Variants in NEK2 observed in about 807,000 individuals in gnomAD.
NEK2 encodes serine/threonine-protein kinase Nek2.
NEK2 carries 28 observed loss-of-function variants against 54.1 expected under a neutral mutation model. That is an observed-to-expected ratio of 0.52 (90% CI 0.38 to 0.71). The LOEUF (loss-of-function observed/expected upper bound fraction) is 0.71, where lower values mean the gene tolerates loss of function less well. Among genes scored for constraint, NEK2 ranks in the 30% least tolerant of loss-of-function variants. The pLI is 0.00. For missense variants in NEK2, 407 were observed against 531.5 expected, an observed-to-expected ratio of 0.77 and a Z score of 2.30; for synonymous variants, 176 against 193.1, an observed-to-expected ratio of 0.91 and a Z score of 0.73.
downstream of NEK2, among the ~76,000 whole-genome samples, chr1:211,662,512 C>A (rs1356415025): frequency 1.3e-5 from 2 of 152,194 alleles, no homozygotes; most frequent in African/African-American, 4.8e-5. This position sits in a 1 kb window ranked among gnomAD's most constrained non-coding sequence, Gnocchi z 4.2. Flanking sequence ...CAGTAGCACC[C>A]TACCCCAAAT....
chr1:211,670,716 C>T (rs948083019), intron 4 of NEK2, among the ~76,000 whole-genome samples: 1 of 152,106 alleles, frequency 6.6e-6, no homozygotes, highest in Non-Finnish European at 1.5e-5. Flanking sequence ...CAAACATCAT[C>T]AAATGCCCCA....
intron 7 of NEK2, among the ~76,000 whole-genome samples, chr1:211,666,147 T>C (rs1393116493): frequency 6.6e-6 from 1 of 151,530 alleles, no homozygotes; most frequent in Non-Finnish European, 1.5e-5. Context: ...AATGGTTCAC[T>C]GGTATATACG....
At chr1:211,660,906 G>T (rs1460613808), downstream of NEK2, 3 of 736,806 alleles carry the variant, frequency 4.1e-6, no homozygotes, top group African/African-American at 3.5e-5. Flanking sequence ...GATACCAGCA[G>T]ATCTGTCCCC....
chr1:211,666,238 C>T (rs1034858590), intron 7 of NEK2, among the ~76,000 whole-genome samples: 3 of 152,048 alleles, frequency 2.0e-5, no homozygotes, highest in Non-Finnish European at 2.9e-5. Context: ...TATCTATATA[C>T]CAGACTTTAA....
chr1:211,666,487 T>G (rs1055882268), intron 7 of NEK2: 13 of 979,778 alleles, frequency 1.3e-5, no homozygotes, highest in Non-Finnish European at 1.6e-5. Context: ...ACAATAGTTT[T>G]GTAAATGCCC....
At chr1:211,666,808 A>T (rs1307157835) in intron 7 of NEK2, 3 of 855,962 alleles carry the variant, frequency 3.5e-6, no homozygotes, top group East Asian at 1.6e-4. Context: ...CAAAAAAAAT[A>T]AAAAAATAAA....
At chr1:211,667,994 C>A (rs1655232637) in intron 6 of NEK2, among the ~76,000 whole-genome samples, 1 of 151,388 alleles carries the variant, frequency 6.6e-6, no homozygotes, top group East Asian at 1.9e-4. Flanking sequence ...TGCAATGAAC[C>A]AAGATGGTGC....
At chr1:211,661,003 C>T (rs1655005712), downstream of NEK2, 4 of 740,926 alleles carry the variant, frequency 5.4e-6, no homozygotes, top group Non-Finnish European at 1.0e-5. Flanking sequence ...CATCAGGGCC[C>T]GCTGGAAACT....
chr1:211,660,812 A>G, downstream of NEK2: 3 of 703,896 alleles, frequency 4.3e-6, no homozygotes, highest in South Asian at 4.2e-5. Flanking sequence ...GGCTGCTCCC[A>G]ACAACAGAGC....
At chr1:211,667,980 A>T (rs778907813) in intron 6 of NEK2, among the ~76,000 whole-genome samples, 17 of 152,074 alleles carry the variant, frequency 1.1e-4, no homozygotes, top group Non-Finnish European at 1.9e-4. Flanking sequence ...CGGGAGGTAG[A>T]GGTTGCAATG....
At chr1:211,667,067 TG>T in intron 7 of NEK2, 38 bp downstream of exon 7, 1 of 1,612,494 alleles carries the variant, frequency 6.2e-7, no homozygotes, top group Non-Finnish European at 8.5e-7. Flanking sequence ...TTTCTTCATT[TG>T]TAGCACCAGC....
At chr1:211,664,413 G>C (rs1274623847) in intron 7 of NEK2, among the ~76,000 whole-genome samples, 1 of 152,112 alleles carries the variant, frequency 6.6e-6, no homozygotes. Flanking sequence ...CCAAACAAAG[G>C]CCCTATTCTA....
At chr1:211,661,289 G>A (rs1655011962), downstream of NEK2, 7 of 576,354 alleles carry the variant, frequency 1.2e-5, no homozygotes, top group East Asian at 3.5e-5. Context: ...TCCTGGATGC[G>A]GGTTCCTGCT....
intron 1 of NEK2, 56 bp downstream of exon 1, chr1:211,675,328 G>A: frequency 6.5e-7 from 1 of 1,527,008 alleles, no homozygotes; most frequent in Non-Finnish European, 9.1e-7. Flanking sequence ...CAGGGCGCTC[G>A]CCCCGAGGCG....
downstream of NEK2, among the ~76,000 whole-genome samples, chr1:211,661,496 TC>T (rs1375494236): frequency 6.6e-6 from 1 of 152,260 alleles, no homozygotes; most frequent in Non-Finnish European, 1.5e-5. Context: ...GCTATTTTCT[TC>T]TGCAAAGTGC....
chr1:211,674,153 T>C, intron 2 of NEK2, 143 bp downstream of exon 2: 1 of 656,022 alleles, frequency 1.5e-6, no homozygotes, highest in Admixed American at 3.3e-5. Flanking sequence ...TGGGTGTTGA[T>C]TCACCAGGAA....
chr1:211,663,743 T>C, intron 7 of NEK2, 91 bp from the exon 8 acceptor site: 2 of 1,266,452 alleles, frequency 1.6e-6, no homozygotes, highest in South Asian at 1.4e-5. Context: ...TTTGCTCTTA[T>C]GGCTCACATT....
At chr1:211,661,302 T>C, downstream of NEK2, 1 of 541,820 alleles carries the variant, frequency 1.8e-6, no homozygotes, top group Non-Finnish European at 3.4e-6. Flanking sequence ...TTCCTGCTTC[T>C]AAACTGAAGT....
intron 3 of NEK2, among the ~76,000 whole-genome samples, chr1:211,671,629 A>G (rs1655396086): frequency 6.6e-6 from 1 of 152,252 alleles, no homozygotes; most frequent in Non-Finnish European, 1.5e-5. Context: ...CAAAATATGT[A>G]TCTAGTCCAC....
Sources: allele counts gnomAD v4.1 joint callset (sites outside exome capture counted in the v4.1 genomes callset), GRCh38; gene constraint gnomAD v4.1.1; non-coding constraint Gnocchi (gnomAD v3.1); transcripts MANE v1.5; gene names NCBI Gene and HGNC (gene_info 2026-07-23, HGNC 2026-07-21).